The following PHAF1 variants were observed in gnomAD, a reference collection of about 807,000 sequenced individuals.
PHAF1 encodes phagosome assembly factor 1.
Under a neutral mutation model 63.1 loss-of-function variants are expected in PHAF1, and 23 were observed. That is an observed-to-expected ratio of 0.36 (90% CI 0.26 to 0.52). The LOEUF (loss-of-function observed/expected upper bound fraction) is 0.52. Ranked by LOEUF, PHAF1 falls within the 20% of genes least tolerant of loss-of-function variation. PHAF1 has a pLI of 0.93. For missense variants in PHAF1, 427 were observed against 517.2 expected, an observed-to-expected ratio of 0.83 and a Z score of 1.69; for synonymous variants, 167 against 185.0, an observed-to-expected ratio of 0.90 and a Z score of 0.79.
chr16:67,148,216 A>C lies in PHAF1; in HGVS notation c.*1085A>C, dbSNP rs992012721. 1 of 152,604 alleles carries C rather than the reference A, an allele frequency of 6.6e-6. No homozygotes were observed. The highest frequency in any genetic ancestry group is 2.4e-5 in the African/African-American group (1 of 41,430). 9.5% of individuals were successfully genotyped at this position (152,604 alleles called of 1,614,324 possible). On this transcript the variant is annotated 3_prime_UTR_variant, in exon 16 of 16. Coordinates refer to ENST00000219139, the MANE Select transcript of PHAF1 (RefSeq NM_025187.5). The stretch of plus-strand genomic sequence containing the variant: ...TTTTTGTAAATATGACTCTTTTGTA[A>C]TTAACTCATGTACAGCCTCATCCTG...
Position 67,122,159 on chromosome 16 carries a change from C to G in PHAF1, c.147+1965C>G, listed in dbSNP as rs984569333. Among the ~76,000 whole-genome samples the G allele has an allele frequency of 7.2e-5, 11 of 152,228 alleles. No homozygotes were observed. The South Asian group carries it at 2.3e-3, about 32-fold the overall frequency. On this transcript the variant is annotated intron_variant, in intron 2 of 15. Coordinates refer to ENST00000219139, the MANE Select transcript of PHAF1 (RefSeq NM_025187.5). ...AAGTGATCCTCCCACCTCAGCCTCC[C>G]AAAGTGCTGGGATTACAGGCGTGAG...
intron 15 of PHAF1, 90 bp downstream of exon 15, chr16:67,146,440 C>T (rs867545777): frequency 7.6e-7 from 1 of 1,317,614 alleles, no homozygotes. Flanking sequence ...TTGGGGAGGG[C>T]ATCACTGCCA....
rs1409407012 is a variant in PHAF1 at position 67,148,188 on chromosome 16, A to G, written c.*1057A>G. On this transcript the variant is annotated 3_prime_UTR_variant, in exon 16 of 16. Coordinates refer to ENST00000219139, the MANE Select transcript of PHAF1 (RefSeq NM_025187.5). ...TTGTGAGTTTTTCAAATGTGTGTAC[A>G]GATTTTTGTAAATATGACTCTTTTG... The G allele has an allele frequency of 6.5e-6, 1 of 152,690 alleles. No homozygotes were observed. Among genetic ancestry groups the G allele is most frequent in the Non-Finnish European group, 1.5e-5 (1 of 68,058 alleles). The allele number at this position is 152,690 out of a possible 1,614,324, so 9.5% of individuals were successfully genotyped here.
At chr16:67,130,078 G>A (rs1458928339) in intron 3 of PHAF1, among the ~76,000 whole-genome samples, 2 of 152,054 alleles carry the variant, frequency 1.3e-5, no homozygotes, top group Non-Finnish European at 2.9e-5. Context: ...GAGGAGTCTC[G>A]CTCTGTCGCC....
At chr16:67,144,436 G>A in intron 11 of PHAF1, 60 bp downstream of exon 11, 1 of 1,284,304 alleles carries the variant, frequency 7.8e-7, no homozygotes, top group Non-Finnish European at 1.1e-6. Context: ...AAAACCCCAG[G>A]AAAGAGCTTT....
chr16:67,110,458 C>T (rs992058923), intron 1 of PHAF1, among the ~76,000 whole-genome samples: 3 of 152,100 alleles, frequency 2.0e-5, no homozygotes, highest in Non-Finnish European at 2.9e-5. Context: ...TCTTCTGGGA[C>T]GGTGGAACAG....
chr16:67,117,088 A>T (rs746932185), intron 1 of PHAF1, among the ~76,000 whole-genome samples: 7 of 151,730 alleles, frequency 4.6e-5, no homozygotes, highest in Non-Finnish European at 8.8e-5. Flanking sequence ...GTTGGAGCGC[A>T]GTGGCACGAT....
intron 11 of PHAF1, 128 bp from the exon 12 acceptor site, chr16:67,144,706 C>T (rs1257489958): frequency 1.9e-6 from 2 of 1,079,246 alleles, no homozygotes; most frequent in Admixed American, 3.9e-5. Context: ...TGAACACTGT[C>T]AGGCACTCAG....
chr16:67,125,857 A>G (rs894768860), intron 2 of PHAF1, 102 bp from the exon 3 acceptor site: 10 of 835,412 alleles, frequency 1.2e-5, no homozygotes, highest in Admixed American at 5.7e-5. Flanking sequence ...GACTGTCTGC[A>G]CTTAGATATT....
chr16:67,137,680 T>C (rs1286856537), intron 8 of PHAF1, among the ~76,000 whole-genome samples: 2 of 152,034 alleles, frequency 1.3e-5, no homozygotes, highest in African/African-American at 4.8e-5. Flanking sequence ...TAGTGTGGTT[T>C]TTTCCCAAGA....
rs777670612 is a variant in PHAF1, at chr16:67,132,568, T to G, written c.355+43T>G. The G allele has an allele frequency of 4.2e-5, 67 of 1,584,112 alleles. No homozygotes were observed. The Middle Eastern group carries it at 5.0e-4, about 12-fold the overall frequency. On this transcript the variant is annotated intron_variant, in intron 5 of 15. Coordinates refer to ENST00000219139, the MANE Select transcript of PHAF1 (RefSeq NM_025187.5). ...GATTCCTCTGGTCATCAGTGGCAGT[T>G]CATAGCAATAAACCTGCCCGGTAGT... is the stretch of plus-strand genomic sequence containing the variant.
chr16:67,118,253 G>A (rs1303995114), intron 1 of PHAF1, among the ~76,000 whole-genome samples: 2 of 147,520 alleles, frequency 1.4e-5, no homozygotes, highest in Middle Eastern at 3.6e-3. Flanking sequence ...GATTACGGAC[G>A]TGAGCCACTG....
intron 13 of PHAF1, 42 bp downstream of exon 13, chr16:67,145,461 G>C (rs1317600870): frequency 6.2e-7 from 1 of 1,613,796 alleles, no homozygotes; most frequent in African/African-American, 1.3e-5. Flanking sequence ...TGAGAATGAG[G>C]TGGACATGAG....
intron 1 of PHAF1, among the ~76,000 whole-genome samples, chr16:67,119,388 C>A (rs535607615): frequency 6.6e-6 from 1 of 152,106 alleles, no homozygotes; most frequent in Non-Finnish European, 1.5e-5. Flanking sequence ...CATGCATGTC[C>A]AACCTTTTGG....
At chr16:67,145,851 A>C (rs1026268828) in intron 14 of PHAF1, among the ~76,000 whole-genome samples, 2 of 152,160 alleles carry the variant, frequency 1.3e-5, no homozygotes, top group African/African-American at 4.8e-5. Flanking sequence ...CCCTCTCCCA[A>C]GCCTACCTCT....
At chr16:67,124,751 A>G (rs1963116044) in intron 2 of PHAF1, among the ~76,000 whole-genome samples, 1 of 151,844 alleles carries the variant, frequency 6.6e-6, no homozygotes, top group African/African-American at 2.4e-5. Context: ...AAAATACAAA[A>G]AGTCAGCCGG....
In PHAF1 at chr16:67,144,350, T is replaced by C. The variant is rs1963913865; in HGVS notation, c.936T>C (p.Asn312=). 1.2e-6 allele frequency: 2 copies of C among 1,610,414 alleles called. No homozygotes were observed. Among genetic ancestry groups the C allele is most frequent in the Admixed American group, 3.3e-5 (2 of 60,002 alleles). The change falls in exon 11 of 16, where the codon AAT becomes AAC. Residue 312 remains asparagine (N), a synonymous_variant. Transcript: ENST00000219139. Reference sequence around the variant, plus strand: ...TGAAGAAGTTTGTTCTACACACCAATTACCCTGGGCATTATAATTTCAACA... The same window carrying C: ...TGAAGAAGTTTGTTCTACACACCAACTACCCTGGGCATTATAATTTCAACA... ...HKVKKFVLHT[N]YPGHYNFNIY...
intron 1 of PHAF1, among the ~76,000 whole-genome samples, chr16:67,114,605 G>T (rs1278967977): frequency 6.6e-6 from 1 of 151,870 alleles, no homozygotes; most frequent in Non-Finnish European, 1.5e-5. Flanking sequence ...GATGATGTGT[G>T]CAGGGAACTA....
At chr16:67,118,817 A>C (rs1962861082) in intron 1 of PHAF1, among the ~76,000 whole-genome samples, 1 of 120,702 alleles carries the variant, frequency 8.3e-6, no homozygotes, top group South Asian at 2.6e-4. Flanking sequence ...TCTGTCACCC[A>C]GGCGGGAGCA....
Sources: gnomAD v4.1 joint callset for allele counts (sites outside exome capture counted in the v4.1 genomes callset) on GRCh38, gnomAD v4.1.1 for gene constraint, MANE v1.5 for transcripts, NCBI Gene and HGNC (gene_info 2026-07-23, HGNC 2026-07-21) for gene names.